Variants in AATF observed in about 807,000 individuals in gnomAD.
The protein encoded by AATF is apoptosis antagonizing transcription factor, also known as protein AATF.
AATF carries 48 observed loss-of-function variants against 63.7 expected under a neutral mutation model. That is an observed-to-expected ratio of 0.75 (90% CI 0.60 to 0.96). AATF has a LOEUF of 0.96. Ranked by LOEUF, AATF falls within the 40% of genes least tolerant of loss-of-function variation. AATF has a pLI of 0.00. For synonymous variants in AATF, 258 were observed against 247.7 expected, an observed-to-expected ratio of 1.04 and a Z score of -0.39; for missense variants, 639 against 685.7, an observed-to-expected ratio of 0.93 and a Z score of 0.76.
chr17:37,040,715 TG>T (rs34017603), intron 11 of AATF, among the ~76,000 whole-genome samples: 68 of 147,000 alleles, frequency 4.6e-4, no homozygotes, highest in East Asian at 1.2e-3. Context: ...AAAACTTATT[TG>T]GGGGGGGGAA....
intron 4 of AATF, among the ~76,000 whole-genome samples, chr17:36,977,935 T>C (rs929674554): frequency 2.0e-5 from 3 of 152,144 alleles, no homozygotes; most frequent in Admixed American, 1.3e-4. Context: ...CCTATAGGGC[T>C]TTTTAAGGAT....
At chr17:37,001,064 A>T (rs907337941) in intron 8 of AATF, among the ~76,000 whole-genome samples, 3 of 151,966 alleles carry the variant, frequency 2.0e-5, no homozygotes, top group Non-Finnish European at 4.4e-5. Context: ...TAGGCCTGTT[A>T]TCCCAATACT....
intron 11 of AATF, chr17:37,052,226 G>C (rs2071758624): frequency 6.6e-6 from 1 of 152,066 alleles, no homozygotes; most frequent in Non-Finnish European, 1.5e-5. Flanking sequence ...AGCCTTAAGG[G>C]GACCTCAGGT....
chr17:37,018,961 C>T (rs1445143407), intron 8 of AATF, 44 bp from the exon 9 acceptor site: 3 of 1,533,928 alleles, frequency 2.0e-6, no homozygotes, highest in African/African-American at 2.7e-5. Context: ...GTCAGTTGTA[C>T]TGGAAGATGA....
chr17:37,031,093 A>G (rs1054884981), intron 10 of AATF, among the ~76,000 whole-genome samples: 3 of 152,200 alleles, frequency 2.0e-5, no homozygotes, highest in Non-Finnish European at 2.9e-5. Flanking sequence ...GGAAAAAGGG[A>G]AAAATGTACA....
intron 8 of AATF, among the ~76,000 whole-genome samples, chr17:37,014,353 A>C (rs1163085263): frequency 6.6e-6 from 1 of 151,938 alleles, no homozygotes; most frequent in Non-Finnish European, 1.5e-5. Flanking sequence ...AGAATTTTGA[A>C]GGTACCTTGC....
chr17:37,019,290 A>T (rs529300401), intron 9 of AATF, among the ~76,000 whole-genome samples: 17 of 152,298 alleles, frequency 1.1e-4, no homozygotes, highest in African/African-American at 3.6e-4. Flanking sequence ...TTGTTTTTAG[A>T]GTTTGTTTTC....
intron 4 of AATF, among the ~76,000 whole-genome samples, chr17:36,972,637 C>G (rs1337913194): frequency 6.6e-6 from 1 of 151,010 alleles, no homozygotes; most frequent in Non-Finnish European, 1.5e-5. Context: ...TTTTCCCCCT[C>G]TTAAAGCAGT....
At chr17:36,975,969 C>G (rs1485267623) in intron 4 of AATF, among the ~76,000 whole-genome samples, 3 of 152,178 alleles carry the variant, frequency 2.0e-5, no homozygotes, top group African/African-American at 7.2e-5. Flanking sequence ...TCAAATTCAG[C>G]AAGTATTGCT....
At chr17:37,028,340 G>T (rs962958116) in intron 10 of AATF, among the ~76,000 whole-genome samples, 2 of 152,006 alleles carry the variant, frequency 1.3e-5, no homozygotes, top group Admixed American at 6.6e-5. Flanking sequence ...AGGCAGAGGT[G>T]GGGGGATGGC....
In AATF at chr17:36,994,935, T is replaced by C. The variant is rs149697765; in HGVS notation, c.1398+4078T>C. 2.5e-4 allele frequency among the ~76,000 whole-genome samples: 38 copies of C among 152,364 alleles called. No individual in the cohort carries two copies. In the East Asian group the frequency reaches 7.1e-3, roughly 29 times the overall value. ...TTTAATCCTCACAAGATCCTCGTATTGTGATGTAACTGCACTTAGCAATAA... is the reference window on the plus strand; with the variant it reads ...TTTAATCCTCACAAGATCCTCGTATCGTGATGTAACTGCACTTAGCAATAA... On this transcript the variant is annotated intron_variant, in intron 8 of 11. Coordinates refer to ENST00000619387, the MANE Select transcript of AATF (RefSeq NM_012138.4).
intron 4 of AATF, among the ~76,000 whole-genome samples, chr17:36,961,191 T>G (rs553800765): frequency 5.5e-4 from 84 of 152,334 alleles, no homozygotes; most frequent in African/African-American, 2.0e-3. Context: ...TTTTATAGAT[T>G]TACTGCAATT....
chr17:37,028,249 CA>C (rs199823491), intron 10 of AATF, among the ~76,000 whole-genome samples: 31 of 146,184 alleles, frequency 2.1e-4, no homozygotes, highest in Non-Finnish European at 2.7e-4. Context: ...CTCTCTCTAC[CA>C]AAAAAAAAAA....
At chr17:37,037,418 T>A in intron 11 of AATF, among the ~76,000 whole-genome samples, 1 of 152,328 alleles carries the variant, frequency 6.6e-6, no homozygotes, top group African/African-American at 2.4e-5. Flanking sequence ...TGGTAGAGAA[T>A]CCTCTAAGCA....
chr17:37,018,832 A>G (rs2142286269), intron 8 of AATF, 173 bp from the exon 9 acceptor site: 3 of 610,674 alleles, frequency 4.9e-6, no homozygotes, highest in Non-Finnish European at 5.9e-6. Context: ...TTAAAGATAT[A>G]TAACTATGAA....
intron 1 of AATF, 81 bp from the exon 2 acceptor site, chr17:36,950,133 A>G: frequency 6.8e-7 from 1 of 1,469,810 alleles, no homozygotes; most frequent in Non-Finnish European, 9.3e-7. Context: ...TTCAACTATG[A>G]GATAAATGGG....
intron 11 of AATF, among the ~76,000 whole-genome samples, chr17:37,038,811 G>A (rs537341806): frequency 6.6e-6 from 1 of 152,150 alleles, no homozygotes; most frequent in Middle Eastern, 3.4e-3. Flanking sequence ...AAAGAACAAG[G>A]AGAGGATCCT....
At chr17:37,038,635 A>C (rs2071611923) in intron 11 of AATF, among the ~76,000 whole-genome samples, 2 of 152,190 alleles carry the variant, frequency 1.3e-5, no homozygotes, top group Admixed American at 1.3e-4. Flanking sequence ...CCTTATTCCA[A>C]AAATGGTAGC....
chr17:36,997,402 A>G (rs193078065), intron 8 of AATF, among the ~76,000 whole-genome samples: 1 of 152,332 alleles, frequency 6.6e-6, no homozygotes, highest in East Asian at 1.9e-4. Flanking sequence ...AATCCCATCA[A>G]AAAGTGGGCT....
Sources: gnomAD v4.1 joint callset for allele counts (sites outside exome capture counted in the v4.1 genomes callset) on GRCh38, gnomAD v4.1.1 for gene constraint, MANE v1.5 for transcripts, NCBI Gene and HGNC (gene_info 2026-07-23, HGNC 2026-07-21) for gene names.